SOAT1: variants seen among roughly 807,000 people sequenced by gnomAD.
The protein encoded by SOAT1 is acyl-coenzyme A:cholesterol acyltransferase 1.
A neutral mutation model predicts 69.5 loss-of-function variants in SOAT1; 55 were observed. That is an observed-to-expected ratio of 0.79 (90% CI 0.64 to 0.99). The LOEUF is 0.99. Among genes scored for constraint, SOAT1 ranks in the 50% least tolerant of loss-of-function variants. The pLI is 0.00. For synonymous variants in SOAT1, 231 were observed against 224.7 expected (o/e 1.03, Z -0.25); for missense variants, 580 against 669.3 (o/e 0.87, Z 1.47).
intron 14 of SOAT1, 151 bp from the exon 15 acceptor site, chr1:179,351,166 C>T: frequency 3.3e-6 from 2 of 605,234 alleles, no homozygotes; most frequent in Non-Finnish European, 2.9e-6. Flanking sequence ...GCCTCAGCCT[C>T]CCGAGTGGCT....
chr1:179,323,513 C>G lies in SOAT1; in HGVS notation c.177+18C>G, dbSNP rs1165487680. ...AGGCAGAGGCAAGTAACTCCCTCTTCTAGAAACAAAAATGTAGAGTTTTAG... is the reference window on the plus strand; with the variant it reads ...AGGCAGAGGCAAGTAACTCCCTCTTGTAGAAACAAAAATGTAGAGTTTTAG... On this transcript the variant is annotated intron_variant, in intron 3 of 15. Transcript: ENST00000367619. The G allele has an allele frequency of 1.2e-6, 2 of 1,605,610 alleles. No individual in the cohort carries two copies. Among genetic ancestry groups the G allele is most frequent in the Admixed American group, 1.7e-5 (1 of 59,672 alleles).
chr1:179,339,531 C>A lies in SOAT1; in HGVS notation c.483C>A (p.Tyr161Ter). The A allele has an allele frequency of 1.2e-6, 2 of 1,605,246 alleles. No individual in the cohort carries two copies. The highest frequency in any genetic ancestry group is 1.7e-6 in the Non-Finnish European group (2 of 1,174,652). ...LFILSTLVVD[Y>*]IDEGRLVLEF... ...TCCTCAGCACACTTGTAGTAGATTA[C>A]ATTGATGAAGGAAGGTAAGACAACA... Residue 161 changes from tyrosine to a stop codon, truncating the protein, a stop_gained, in exon 6 of 16, where the codon TAC (tyrosine) becomes TAA (stop). Transcript: ENST00000367619. LOFTEE classifies it high-confidence loss of function.
intron 1 of SOAT1, among the ~76,000 whole-genome samples, chr1:179,299,863 C>T (rs180834262): frequency 0.013 from 1,805 of 144,078 alleles, 26 homozygotes; most frequent in African/African-American, 0.044. Context: ...ATGCCATTCT[C>T]CTGCCTCAGC....
At chr1:179,344,916 T>C in intron 10 of SOAT1, 31 bp from the exon 11 acceptor site, 1 of 1,611,536 alleles carries the variant, frequency 6.2e-7, no homozygotes. Context: ...TAAGCCATCG[T>C]TATTATAATT....
At chr1:179,316,900 A>C (rs1257676064) in intron 2 of SOAT1, among the ~76,000 whole-genome samples, 2 of 152,230 alleles carry the variant, frequency 1.3e-5, no homozygotes, top group African/African-American at 4.8e-5. Context: ...ATAGAAGATT[A>C]AATTATATTT....
chr1:179,327,112 A>G (rs575899409), intron 3 of SOAT1, among the ~76,000 whole-genome samples: 6 of 152,218 alleles, frequency 3.9e-5, no homozygotes, highest in African/African-American at 1.4e-4. Flanking sequence ...TTTATAAGAG[A>G]TCTCTAATTG....
chr1:179,339,654 G>A, intron 6 of SOAT1, 109 bp downstream of exon 6: 1 of 602,876 alleles, frequency 1.7e-6, no homozygotes, highest in South Asian at 2.6e-5. Context: ...AAATCCTAAA[G>A]CAGCAGATTT....
At chr1:179,294,698 A>G (rs1664569895) in intron 1 of SOAT1, among the ~76,000 whole-genome samples, 1 of 151,910 alleles carries the variant, frequency 6.6e-6, no homozygotes, top group Non-Finnish European at 1.5e-5. Context: ...CGCCCAGGTA[A>G]TTTTTGTAGT....
chr1:179,345,794 C>T (rs976048570), intron 11 of SOAT1, among the ~76,000 whole-genome samples: 5 of 152,146 alleles, frequency 3.3e-5, no homozygotes, highest in Non-Finnish European at 7.3e-5. Flanking sequence ...AAGTTATCCT[C>T]CTGTCTCAGC....
At chr1:179,322,611 G>C (rs1254682920) in intron 2 of SOAT1, among the ~76,000 whole-genome samples, 1 of 152,112 alleles carries the variant, frequency 6.6e-6, no homozygotes, top group African/African-American at 2.4e-5. Context: ...TTGCACTTAT[G>C]TCTGCCAGTA....
chr1:179,323,259 A>C (rs916878148), intron 2 of SOAT1, among the ~76,000 whole-genome samples, 178 bp from the exon 3 acceptor site: 10 of 152,076 alleles, frequency 6.6e-5, no homozygotes, highest in Non-Finnish European at 1.0e-4. Context: ...TTTTGTTCTT[A>C]GTATTTTCAT....
chr1:179,342,158 G>T lies in SOAT1; in HGVS notation c.825G>T (p.Val275=), dbSNP rs1039460989. 1.5e-5 allele frequency: 25 copies of T among 1,613,320 alleles called. No individual in the cohort carries two copies. The highest frequency in any genetic ancestry group is 2.1e-5 in the Non-Finnish European group (25 of 1,179,622). ...CCCACTCATTTGTCAGAGAGAACGT[G>T]CCTCGGGTACTAAATTCAGCTAAGG... ...MKAHSFVREN[V]PRVLNSAKEK... Residue 275 remains valine, a synonymous_variant, in exon 8 of 16, where the codon GTG becomes GTT. Transcript: ENST00000367619.
At chr1:179,312,132 C>T (rs1270329626) in intron 2 of SOAT1, among the ~76,000 whole-genome samples, 1 of 152,160 alleles carries the variant, frequency 6.6e-6, no homozygotes, top group Non-Finnish European at 1.5e-5. Context: ...AGGAATGTCA[C>T]AGAAATTCAT....
At chr1:179,302,439 T>C (rs11589635) in intron 1 of SOAT1, among the ~76,000 whole-genome samples, 1 of 151,878 alleles carries the variant, frequency 6.6e-6, no homozygotes, top group East Asian at 1.9e-4. Flanking sequence ...GGAGTTCTCA[T>C]GAGAGCTGAT....
intron 4 of SOAT1, among the ~76,000 whole-genome samples, chr1:179,336,992 C>CAA (rs34182074): frequency 4.8e-4 from 68 of 141,662 alleles, no homozygotes; most frequent in African/African-American, 7.8e-4. Flanking sequence ...GAGACTGACT[C>CAA]AAAAAAAAAA....
At chr1:179,297,096 T>C (rs1253023706) in intron 1 of SOAT1, among the ~76,000 whole-genome samples, 3 of 152,198 alleles carry the variant, frequency 2.0e-5, no homozygotes, top group Non-Finnish European at 4.4e-5. Flanking sequence ...AAAATGGACA[T>C]GTTAAATGAG....
chr1:179,341,039 A>C lies in SOAT1; in HGVS notation c.509A>C (p.Glu170Ala), dbSNP rs762917640. 6.2e-7 allele frequency: 1 copy of C among 1,613,706 alleles called. No homozygotes were observed. The highest frequency in any genetic ancestry group is 1.1e-5 in the South Asian group (1 of 91,064). ...DYIDEGRLVLEFSLLSYAFGK... is the reference protein window; with the variant it reads ...DYIDEGRLVLAFSLLSYAFGK... ...CCTTTTCTCCCCAGGCTGGTGCTTG[A>C]GTTCAGCCTCCTGTCTTATGCTTTT... The change falls in exon 7 of 16, where the codon GAG (glutamate) becomes GCG (alanine). Residue 170 changes from glutamate (E) to alanine (A), a missense_variant. Glu to Ala is a moderately radical substitution (Grantham distance 107). Coordinates refer to ENST00000367619, the MANE Select transcript of SOAT1 (RefSeq NM_003101.6).
At chr1:179,316,286 C>T (rs12078723) in intron 2 of SOAT1, among the ~76,000 whole-genome samples, 32,029 of 151,740 alleles carry the variant, frequency 0.21, 3,522 homozygotes, top group Non-Finnish European at 0.23. Context: ...GTCAGGTATG[C>T]GTTGTAATTG....
chr1:179,342,460 T>C (rs1438306233), intron 8 of SOAT1, among the ~76,000 whole-genome samples: 1 of 152,116 alleles, frequency 6.6e-6, no homozygotes, highest in Non-Finnish European at 1.5e-5. Context: ...TTATTTCAAA[T>C]ATATATTATC....
Sources: allele counts gnomAD v4.1 joint callset (sites outside exome capture counted in the v4.1 genomes callset), GRCh38; gene constraint gnomAD v4.1.1; transcripts MANE v1.5; gene names NCBI Gene and HGNC (gene_info 2026-07-23, HGNC 2026-07-21).